The following RBFOX1 variants were observed in gnomAD, a reference collection of about 807,000 sequenced individuals.
RBFOX1 encodes RNA binding protein fox-1 homolog 1.
RBFOX1 carries 8 observed loss-of-function variants against 57.7 expected under a neutral mutation model. That is an observed-to-expected ratio of 0.14 (90% CI 0.08 to 0.25). RBFOX1 has a LOEUF of 0.25. RBFOX1 is among the 10% of genes least tolerant of loss of function. The pLI, the probability that RBFOX1 is intolerant of heterozygous loss-of-function variation, is 1.00. For missense variants in RBFOX1, 611 were observed against 548.5 expected (o/e 1.11, Z -1.14); for synonymous variants, 326 against 222.4 (o/e 1.47, Z -4.15).
In RBFOX1 at chr16:7,241,978, T is replaced by A. The variant is rs11077159; in HGVS notation, c.27+189880T>A. ...GTGTATATATTTAAGGGTTTTCAAC[T>A]TTGGCCCTCTTGATACTTTGGATTG... is the stretch of plus-strand genomic sequence containing the variant. On this transcript the variant is annotated intron_variant, in intron 4 of 15. Coordinates refer to ENST00000550418, the MANE Select transcript of RBFOX1 (RefSeq NM_018723.4). 5.9e-5 allele frequency among the ~76,000 whole-genome samples: 9 copies of A among 151,994 alleles called. 1 individual carries two copies. The South Asian group carries it at 1.9e-3, about 32-fold the overall frequency.
intron 3 of RBFOX1, among the ~76,000 whole-genome samples, chr16:7,021,149 A>G (rs2038915992): frequency 6.6e-6 from 1 of 152,006 alleles, no homozygotes; most frequent in Admixed American, 6.6e-5. Flanking sequence ...TTTTTGTTGA[A>G]TAAATGAATA....
At chr16:5,829,044 C>G (rs575680945) in intron 3 of RBFOX1, among the ~76,000 whole-genome samples, 1 of 152,266 alleles carries the variant, frequency 6.6e-6, no homozygotes, top group Admixed American at 6.5e-5. Context: ...GAAGGATCTG[C>G]TTTCAAGCCC....
chr16:7,696,103 C>T (rs1284704816), intron 14 of RBFOX1, among the ~76,000 whole-genome samples: 1 of 152,202 alleles, frequency 6.6e-6, no homozygotes, highest in African/African-American at 2.4e-5. Context: ...TCTGCTTTTT[C>T]TAGCCACATG....
chr16:6,906,740 T>TTTA (rs2070078137), intron 3 of RBFOX1, among the ~76,000 whole-genome samples: 2 of 149,808 alleles, frequency 1.3e-5, no homozygotes, highest in African/African-American at 2.5e-5. Context: ...TTTTTTTTTT[T>TTTA]GAGACAGAGT....
chr16:5,630,174 T>G (rs2048461254), intron 3 of RBFOX1, among the ~76,000 whole-genome samples: 1 of 152,162 alleles, frequency 6.6e-6, no homozygotes. Flanking sequence ...ATAGGCACTT[T>G]AGCTGGGTGT....
chr16:7,475,537 A>T (rs1475494305), intron 4 of RBFOX1, among the ~76,000 whole-genome samples: 1 of 151,868 alleles, frequency 6.6e-6, no homozygotes, highest in South Asian at 2.1e-4. Context: ...GATAGTCTTG[A>T]TCTCCTGACC....
At chr16:5,280,802 A>G (rs1419393830) in intron 1 of RBFOX1, among the ~76,000 whole-genome samples, 3 of 148,610 alleles carry the variant, frequency 2.0e-5, no homozygotes, top group African/African-American at 7.4e-5. Context: ...TTCTGATTGT[A>G]TTTATTTGGG....
intron 1 of RBFOX1, among the ~76,000 whole-genome samples, chr16:5,349,789 A>T (rs2065222402): frequency 6.6e-6 from 1 of 152,178 alleles, no homozygotes; most frequent in Admixed American, 6.5e-5. Context: ...GGACCACAGG[A>T]GCCGGGCTGT....
intron 2 of RBFOX1, among the ~76,000 whole-genome samples, chr16:5,565,435 G>C (rs945547156): frequency 6.6e-6 from 1 of 152,034 alleles, no homozygotes; most frequent in Non-Finnish European, 1.5e-5. Flanking sequence ...AAAGCAGCCT[G>C]ACCAACATAG....
At chr16:5,616,588 C>CCCT (rs1342912018) in intron 3 of RBFOX1, among the ~76,000 whole-genome samples, 2 of 150,010 alleles carry the variant, frequency 1.3e-5, no homozygotes, top group African/African-American at 4.9e-5. Flanking sequence ...TTCTCCCTCT[C>CCCT]CCTCCTCCTC....
At chr16:6,741,588 G>A (rs1036988496) in intron 3 of RBFOX1, among the ~76,000 whole-genome samples, 1 of 151,544 alleles carries the variant, frequency 6.6e-6, no homozygotes, top group Admixed American at 6.6e-5. Flanking sequence ...AGAATCGCTT[G>A]AACTGCGGAG....
At chr16:7,228,045 C>G (rs561048049) in intron 4 of RBFOX1, among the ~76,000 whole-genome samples, 1 of 152,194 alleles carries the variant, frequency 6.6e-6, no homozygotes, top group South Asian at 2.1e-4. Context: ...TGTGATGACC[C>G]GACTTTCTCC....
intron 2 of RBFOX1, among the ~76,000 whole-genome samples, chr16:6,357,017 A>G (rs931986773): frequency 2.6e-5 from 4 of 152,236 alleles, no homozygotes; most frequent in African/African-American, 9.6e-5. Context: ...GCCAAGACTG[A>G]ACTGTGATTC....
At chr16:7,290,057 G>A (rs1210996401) in intron 4 of RBFOX1, among the ~76,000 whole-genome samples, 1 of 152,092 alleles carries the variant, frequency 6.6e-6, no homozygotes, top group Non-Finnish European at 1.5e-5. Flanking sequence ...GGGTTACATG[G>A]CACACCACTG....
intron 3 of RBFOX1, among the ~76,000 whole-genome samples, chr16:6,714,770 A>G (rs1038778360): frequency 1.3e-5 from 2 of 152,108 alleles, no homozygotes; most frequent in African/African-American, 4.8e-5. Context: ...ACCGTTTTCT[A>G]AACAGTGCAA....
chr16:7,074,393 T>C (rs958825087), intron 4 of RBFOX1, among the ~76,000 whole-genome samples: 3 of 152,162 alleles, frequency 2.0e-5, no homozygotes, highest in African/African-American at 7.2e-5. Context: ...ATTAAAATAA[T>C]GGCAAAAGCT....
At chr16:5,664,887 T>A (rs974448516) in intron 3 of RBFOX1, among the ~76,000 whole-genome samples, 3 of 152,050 alleles carry the variant, frequency 2.0e-5, no homozygotes, top group Admixed American at 6.6e-5. Context: ...CCTGCACACT[T>A]GGCCTCCTGC....
At chr16:6,077,526 A>G (rs1040423341) in intron 1 of RBFOX1, among the ~76,000 whole-genome samples, 1 of 152,078 alleles carries the variant, frequency 6.6e-6, no homozygotes, top group Non-Finnish European at 1.5e-5. Context: ...CGTGCTCTCT[A>G]GCCTCCTTCC....
chr16:5,851,341 C>T (rs1419910916), intron 3 of RBFOX1, among the ~76,000 whole-genome samples: 1 of 152,202 alleles, frequency 6.6e-6, no homozygotes, highest in Non-Finnish European at 1.5e-5. Flanking sequence ...AAAGGCCACA[C>T]TGGAGGTTCA....
Sources: gnomAD v4.1 joint callset for allele counts (sites outside exome capture counted in the v4.1 genomes callset) on GRCh38, gnomAD v4.1.1 for gene constraint, MANE v1.5 for transcripts, NCBI Gene and HGNC (gene_info 2026-07-23, HGNC 2026-07-21) for gene names.